Variants in PLXDC2 observed in about 807,000 individuals in gnomAD.
The protein encoded by PLXDC2 is plexin domain containing 2.
In PLXDC2, 40 loss-of-function variants were observed where a neutral mutation model predicts 68.9. That is an observed-to-expected ratio of 0.58 (90% CI 0.45 to 0.76). The LOEUF (loss-of-function observed/expected upper bound fraction) is 0.76. Among genes scored for constraint, PLXDC2 ranks in the 30% least tolerant of loss-of-function variants. The pLI is 0.00. For synonymous variants in PLXDC2, 243 were observed against 234.2 expected (o/e 1.04, Z -0.34); for missense variants, 644 against 661.9 (o/e 0.97, Z 0.30).
At chr10:19,844,751 A>G (rs1836974024) in intron 1 of PLXDC2, among the ~76,000 whole-genome samples, 1 of 151,942 alleles carries the variant, frequency 6.6e-6, no homozygotes, top group African/African-American at 2.4e-5. Context: ...GCGCATCACT[A>G]CACCTGGCTA....
chr10:19,906,521 C>T (rs1390669715), intron 1 of PLXDC2, among the ~76,000 whole-genome samples: 3 of 152,156 alleles, frequency 2.0e-5, no homozygotes, highest in Non-Finnish European at 4.4e-5. Flanking sequence ...TTGCCTGTTA[C>T]ATGACTCTGG....
At chr10:19,938,405 A>G (rs1359798409) in intron 1 of PLXDC2, among the ~76,000 whole-genome samples, 4 of 152,218 alleles carry the variant, frequency 2.6e-5, no homozygotes, top group Non-Finnish European at 5.9e-5. Flanking sequence ...TACAGGAAGC[A>G]TGGCAGTATT....
At chr10:19,845,582 A>G (rs1254556852) in intron 1 of PLXDC2, among the ~76,000 whole-genome samples, 2 of 152,180 alleles carry the variant, frequency 1.3e-5, no homozygotes, top group African/African-American at 2.4e-5. Context: ...TTCCCCAGAA[A>G]ATAATTCAAG....
At chr10:19,871,347 A>T (rs1837530315) in intron 1 of PLXDC2, among the ~76,000 whole-genome samples, 1 of 152,204 alleles carries the variant, frequency 6.6e-6, no homozygotes, top group South Asian at 2.1e-4. Flanking sequence ...TAATTAGAAG[A>T]TAAATAAAAG....
chr10:20,090,710 T>C (rs1221086894), intron 4 of PLXDC2, among the ~76,000 whole-genome samples: 1 of 152,156 alleles, frequency 6.6e-6, no homozygotes, highest in Non-Finnish European at 1.5e-5. Context: ...CCATTAATGT[T>C]GTACACGACT....
chr10:19,948,605 G>A (rs1041656343), intron 1 of PLXDC2, among the ~76,000 whole-genome samples: 5 of 151,894 alleles, frequency 3.3e-5, no homozygotes, highest in South Asian at 2.1e-4. Flanking sequence ...ACTGTGTGGC[G>A]TTTAATGCTC....
chr10:19,827,371 C>G (rs1836592057), intron 1 of PLXDC2, among the ~76,000 whole-genome samples: 1 of 152,084 alleles, frequency 6.6e-6, no homozygotes, highest in South Asian at 2.1e-4. Flanking sequence ...TTTTCCAGAG[C>G]CATTTTAGAA....
chr10:19,917,445 T>A (rs1188448344), intron 1 of PLXDC2, among the ~76,000 whole-genome samples: 1 of 152,206 alleles, frequency 6.6e-6, no homozygotes, highest in Non-Finnish European at 1.5e-5. Flanking sequence ...AAAGCATGCT[T>A]CATACTCTTC....
chr10:20,206,882 A>ACG (rs1163402348), intron 9 of PLXDC2, among the ~76,000 whole-genome samples: 2 of 151,386 alleles, frequency 1.3e-5, no homozygotes, highest in African/African-American at 2.5e-5. Flanking sequence ...ACAGACACAC[A>ACG]CACACACAGC....
chr10:19,975,391 G>C (rs1834435706), intron 1 of PLXDC2, among the ~76,000 whole-genome samples: 1 of 152,182 alleles, frequency 6.6e-6, no homozygotes, highest in African/African-American at 2.4e-5. Context: ...CCAGGAGGCA[G>C]AGCTTGCAGT....
chr10:20,068,024 G>A (rs558961735), intron 3 of PLXDC2, 146 bp from the exon 4 acceptor site: 43 of 583,422 alleles, frequency 7.4e-5, no homozygotes, highest in Non-Finnish European at 1.0e-4. Context: ...TCTTTAGTAC[G>A]ACCGAGGACT....
At chr10:20,044,229 CTTTCTTTCTTTCTT>C (rs1835748494) in intron 2 of PLXDC2, among the ~76,000 whole-genome samples, 1 of 68,746 alleles carries the variant, frequency 1.5e-5, no homozygotes, top group Non-Finnish European at 2.6e-5. Context: ...TTCTTTCTTT[CTTTCTTTCTTTCTT>C]TCTTTCTTTC....
At chr10:20,053,283 A>T (rs1293427228) in intron 3 of PLXDC2, among the ~76,000 whole-genome samples, 1 of 152,122 alleles carries the variant, frequency 6.6e-6, no homozygotes, top group Non-Finnish European at 1.5e-5. Context: ...AACATTTCTT[A>T]AATCATTGCA....
chr10:19,818,482 G>A lies in PLXDC2; in HGVS notation c.112+1291G>A, dbSNP rs74994075. 2.5e-3 allele frequency among the ~76,000 whole-genome samples: 373 copies of A among 152,150 alleles called. 10 individuals are homozygous for A. The East Asian group carries it at 0.053, about 22-fold the overall frequency. ...CCTGGTGTAAACTGTTCTAGATAAA[G>A]CACAGATACTGACTCTGCGCTCTTA... is the stretch of plus-strand genomic sequence containing the variant. On this transcript the variant is annotated intron_variant, in intron 1 of 13. Transcript: ENST00000377252.
chr10:19,993,859 A>G (rs148300390), intron 1 of PLXDC2, among the ~76,000 whole-genome samples: 1 of 152,312 alleles, frequency 6.6e-6, no homozygotes, highest in African/African-American at 2.4e-5. Context: ...AATGACTTCA[A>G]AGGCAGAGAA....
intron 9 of PLXDC2, among the ~76,000 whole-genome samples, chr10:20,196,931 A>G (rs1358352368): frequency 2.6e-5 from 4 of 152,274 alleles, no homozygotes; most frequent in South Asian, 2.1e-4. Flanking sequence ...ATTCACGGCT[A>G]GAGGCTCCAT....
chr10:20,197,357 TTTTG>T (rs368037109), intron 9 of PLXDC2, among the ~76,000 whole-genome samples: 4 of 147,198 alleles, frequency 2.7e-5, no homozygotes, highest in East Asian at 1.9e-4. Context: ...GGTGATTGTT[TTTTG>T]TTTGTTTGTT....
chr10:19,973,257 T>C (rs1319959933), intron 1 of PLXDC2, among the ~76,000 whole-genome samples: 1 of 149,184 alleles, frequency 6.7e-6, no homozygotes, highest in Non-Finnish European at 1.5e-5. Context: ...TATATGTATA[T>C]ATATACTCAC....
At chr10:19,820,055 A>G (rs1047781518) in intron 1 of PLXDC2, among the ~76,000 whole-genome samples, 8 of 152,236 alleles carry the variant, frequency 5.3e-5, no homozygotes, top group African/African-American at 1.4e-4. Context: ...TAGAGAACAG[A>G]TACAAGTTTT....
Sources: gnomAD v4.1 joint callset for allele counts (sites outside exome capture counted in the v4.1 genomes callset) on GRCh38, gnomAD v4.1.1 for gene constraint, MANE v1.5 for transcripts, NCBI Gene and HGNC (gene_info 2026-07-23, HGNC 2026-07-21) for gene names.